Variants in METTL15 observed in about 807,000 individuals in gnomAD.
The protein encoded by METTL15 is methyltransferase 15, mitochondrial 12S rRNA N4-cytidine, also known as 12S rRNA N(4)-cytidine methyltransferase METTL15.
A neutral mutation model predicts 38.3 loss-of-function variants in METTL15; 34 were observed. That is an observed-to-expected ratio of 0.89 (90% CI 0.68 to 1.18). The LOEUF is 1.18. Ranked by LOEUF, METTL15 falls within the 50% of genes most tolerant of loss-of-function variation. The probability of loss-of-function intolerance (pLI) is 0.00; values close to 1 mark genes in which losing one functional copy is unlikely to be tolerated. For synonymous variants in METTL15, 162 were observed against 170.9 expected, an observed-to-expected ratio of 0.95 and a Z score of 0.41; for missense variants, 438 against 498.4, an observed-to-expected ratio of 0.88 and a Z score of 1.15.
chr11:28,371,493 T>A (rs537652676), intron 5 of METTL15, among the ~76,000 whole-genome samples: 4 of 152,104 alleles, frequency 2.6e-5, no homozygotes, highest in Non-Finnish European at 5.9e-5. Flanking sequence ...TTGATCAGTA[T>A]TGCTTTGGCT....
chr11:28,485,141 T>A (rs12275604), intron 6 of METTL15, among the ~76,000 whole-genome samples: 2,638 of 131,266 alleles, frequency 0.02, 45 homozygotes, highest in African/African-American at 0.059. Context: ...ACACACACAC[T>A]CACACCCCAC....
intron 6 of METTL15, among the ~76,000 whole-genome samples, chr11:28,303,325 C>A (rs1856974150): frequency 6.6e-6 from 1 of 152,132 alleles, no homozygotes; most frequent in African/African-American, 2.4e-5. Flanking sequence ...CATTAATTTT[C>A]TTTAGTAAAC....
At chr11:28,412,015 G>A (rs1850731930) in intron 5 of METTL15, among the ~76,000 whole-genome samples, 1 of 152,010 alleles carries the variant, frequency 6.6e-6, no homozygotes, top group Admixed American at 6.6e-5. Flanking sequence ...TAATCACAAG[G>A]GAAATGCAGA....
At chr11:28,386,566 AAT>A (rs1377060042) in intron 5 of METTL15, among the ~76,000 whole-genome samples, 2 of 152,052 alleles carry the variant, frequency 1.3e-5, no homozygotes, top group African/African-American at 4.8e-5. Context: ...GGAGCACCCA[AAT>A]ATATGAGCAA....
At chr11:28,156,472 A>T (rs1431401545) in intron 3 of METTL15, among the ~76,000 whole-genome samples, 1 of 152,202 alleles carries the variant, frequency 6.6e-6, no homozygotes, top group East Asian at 1.9e-4. Flanking sequence ...AGTACAACAG[A>T]ATCTCAGAAG....
chr11:28,402,116 A>G (rs944668188), intron 5 of METTL15, among the ~76,000 whole-genome samples: 1 of 151,944 alleles, frequency 6.6e-6, no homozygotes, highest in East Asian at 1.9e-4. Flanking sequence ...AGTTGTTTCT[A>G]TTACTTAGGT....
At chr11:28,171,773 C>CCTCT (rs373840016) in intron 3 of METTL15, among the ~76,000 whole-genome samples, 2 of 147,892 alleles carry the variant, frequency 1.4e-5, no homozygotes, top group East Asian at 2.0e-4. Flanking sequence ...CTGCCCGCCG[C>CCTCT]CTCTCTCTCT....
At chr11:28,303,897 T>G (rs1204844327) in intron 6 of METTL15, among the ~76,000 whole-genome samples, 3 of 152,126 alleles carry the variant, frequency 2.0e-5, no homozygotes, top group Non-Finnish European at 4.4e-5. Flanking sequence ...AATCAAAAAT[T>G]CTCAAGTTTT....
chr11:28,415,074 AAT>A (rs1348104038), intron 5 of METTL15, among the ~76,000 whole-genome samples: 1 of 152,214 alleles, frequency 6.6e-6, no homozygotes, highest in South Asian at 2.1e-4. Context: ...CCAGAAAATT[AAT>A]ATGTTTTGAA....
chr11:28,494,810 C>T (rs1427869046), intron 6 of METTL15, among the ~76,000 whole-genome samples: 1 of 152,168 alleles, frequency 6.6e-6, no homozygotes, highest in Non-Finnish European at 1.5e-5. Flanking sequence ...TCCTCATTCA[C>T]CTTCAGTGAT....
intron 6 of METTL15, among the ~76,000 whole-genome samples, chr11:28,474,215 T>C (rs1851326498): frequency 6.6e-6 from 1 of 151,746 alleles, no homozygotes; most frequent in Non-Finnish European, 1.5e-5. Context: ...TAATACATAT[T>C]AAATATGTCT....
intron 4 of METTL15, among the ~76,000 whole-genome samples, chr11:28,279,078 C>T (rs1054867555): frequency 2.6e-5 from 4 of 152,172 alleles, no homozygotes; most frequent in Non-Finnish European, 5.9e-5. Context: ...GCTTCTGCCT[C>T]GGCCTCCCAA....
intron 3 of METTL15, among the ~76,000 whole-genome samples, chr11:28,190,941 C>T (rs1420412553): frequency 6.6e-6 from 1 of 151,318 alleles, no homozygotes; most frequent in East Asian, 1.9e-4. Flanking sequence ...GAGCCTTATC[C>T]TAGGTTTCAC....
At chr11:28,199,162 G>A (rs1852015157) in intron 3 of METTL15, among the ~76,000 whole-genome samples, 1 of 151,858 alleles carries the variant, frequency 6.6e-6, no homozygotes, top group African/African-American at 2.4e-5. Context: ...ATACAGTGAA[G>A]GTAATTTAAT....
At chr11:28,385,882 A>G (rs2133388650) in intron 5 of METTL15, among the ~76,000 whole-genome samples, 1 of 152,236 alleles carries the variant, frequency 6.6e-6, no homozygotes, top group South Asian at 2.1e-4. Context: ...CTCATAAATC[A>G]CTTTTGATTT....
intron 6 of METTL15, among the ~76,000 whole-genome samples, chr11:28,471,728 C>T (rs1160500649): frequency 6.6e-6 from 1 of 151,868 alleles, no homozygotes; most frequent in Non-Finnish European, 1.5e-5. Flanking sequence ...TAACCCCACC[C>T]CTGTAGATTT....
chr11:28,113,966 A>C (rs904232589), intron 3 of METTL15, among the ~76,000 whole-genome samples: 1 of 152,146 alleles, frequency 6.6e-6, no homozygotes, highest in African/African-American at 2.4e-5. Flanking sequence ...TAAGTACTTA[A>C]ATGCATTTTT....
intron 5 of METTL15, among the ~76,000 whole-genome samples, chr11:28,382,127 GT>G (rs1850392789): frequency 6.6e-6 from 1 of 152,122 alleles, no homozygotes; most frequent in African/African-American, 2.4e-5. Context: ...TTCAGTTCTA[GT>G]AAAAAATCAG....
intron 3 of METTL15, among the ~76,000 whole-genome samples, chr11:28,138,640 A>G (rs1238807256): frequency 6.6e-6 from 1 of 152,208 alleles, no homozygotes; most frequent in Non-Finnish European, 1.5e-5. Flanking sequence ...GAATCAGCAA[A>G]TTCTAAAAGT....
Sources: gnomAD v4.1 joint callset for allele counts (sites outside exome capture counted in the v4.1 genomes callset) on GRCh38, gnomAD v4.1.1 for gene constraint, MANE v1.5 for transcripts, NCBI Gene and HGNC (gene_info 2026-07-23, HGNC 2026-07-21) for gene names.